The following NAGS variants were observed in gnomAD, a reference collection of about 807,000 sequenced individuals.
The protein encoded by NAGS is N-acetylglutamate synthase, also known as N-acetylglutamate synthase, mitochondrial.
In NAGS, 34 loss-of-function variants were observed where a neutral mutation model predicts 46.9. The observed-to-expected ratio is 0.72, with a 90% CI of 0.55 to 0.97. The LOEUF (loss-of-function observed/expected upper bound fraction) is 0.97, where lower values mean the gene tolerates loss of function less well. Among genes scored for constraint, NAGS ranks in the 50% least tolerant of loss-of-function variants. The pLI is 0.00. For missense variants in NAGS, 665 were observed against 747.0 expected (o/e 0.89, Z 1.28); for synonymous variants, 334 against 346.3 (o/e 0.96, Z 0.39).
Position 44,007,131 on chromosome 17 carries a change from A to G in NAGS, c.1097-192A>G. 1.6e-6 allele frequency: 1 copy of G among 632,292 alleles called. No individual in the cohort carries two copies. Among genetic ancestry groups the G allele is most frequent in the Admixed American group, 3.0e-5 (1 of 33,540 alleles). 39.2% of individuals were successfully genotyped at this position (632,292 alleles called of 1,614,324 possible). A position where few individuals can be genotyped will look rare whatever the true frequency, so the allele number is the denominator to read the frequency against. ...AGGCGACAGGAGGAACTTGGGGCAC[A>G]ATCTCTGCCTGGGGAAAGCATCTCC... On this transcript the variant is annotated intron_variant, in intron 4 of 6. Transcript: ENST00000293404. The surrounding 1 kb of genome is among the most constrained non-coding windows in gnomAD (Gnocchi z 5.1).
chr17:44,005,992 G>C lies in NAGS; in HGVS notation c.702-32G>C. 1 of 1,572,202 alleles carries C rather than the reference G, an allele frequency of 6.4e-7. No individual in the cohort carries two copies. Among genetic ancestry groups the C allele is most frequent in the South Asian group, 1.2e-5 (1 of 86,904 alleles). Reference sequence around the variant, plus strand: ...CTGCCCCGTCCGGCAGGCCTGGAGGGGGCCCTCTCGAGCACCACGTCTGGC... The same window carrying C: ...CTGCCCCGTCCGGCAGGCCTGGAGGCGGCCCTCTCGAGCACCACGTCTGGC... On this transcript the variant is annotated intron_variant, in intron 2 of 6. Coordinates refer to ENST00000293404, the MANE Select transcript of NAGS (RefSeq NM_153006.3). The surrounding 1 kb of genome is among the most constrained non-coding windows in gnomAD (Gnocchi z 7.2).
Position 44,006,306 on chromosome 17 carries a change from T to C in NAGS, c.915+69T>C. ...CCTTCTCTTGCGCCCCTCGCACTTC[T>C]CCCCGACGGGCCGCAGACTCACTAG... On this transcript the variant is annotated intron_variant, in intron 3 of 6. Transcript: ENST00000293404. This position sits in a 1 kb window ranked among gnomAD's most constrained non-coding sequence, Gnocchi z 4.8. 1 of 1,561,052 alleles carries C rather than the reference T, an allele frequency of 6.4e-7. No homozygotes were observed. The highest frequency in any genetic ancestry group is 1.8e-5 in the Admixed American group (1 of 54,076).
Position 44,006,236 on chromosome 17 carries a change from AGGTGC to A in NAGS, c.915+2_915+6del, listed in dbSNP as rs933834338. ...GGCGGCCTGCGCGACAGCAGTCATA[AGGTGC>A]GGCCCTTTCTTTCACCTTCCCCCAC... On this transcript the variant is annotated splice_donor_variant and splice_donor_region_variant and coding_sequence_variant and intron_variant, in exon 3 of 7. Coordinates refer to ENST00000293404, the MANE Select transcript of NAGS (RefSeq NM_153006.3). LOFTEE classifies it high-confidence loss of function. This position sits in a 1 kb window ranked among gnomAD's most constrained non-coding sequence, Gnocchi z 4.8. 1.2e-6 allele frequency: 2 copies of A among 1,613,042 alleles called. No homozygotes were observed. Among genetic ancestry groups the A allele is most frequent in the Non-Finnish European group, 1.7e-6 (2 of 1,179,968 alleles).
chr17:44,007,335 T>A lies in NAGS; in HGVS notation c.1109T>A (p.Leu370Gln). The A allele has an allele frequency of 6.2e-7, 1 of 1,613,870 alleles. No homozygotes were observed. The highest frequency in any genetic ancestry group is 1.1e-5 in the South Asian group (1 of 91,068). ...ELFSNKGSGT[L>Q]FKNAERMLRV... ...CATCCTCCTCCAGGGTCCGGGACCC[T>A]GTTCAAGAACGCCGAGCGAATGCTA... Residue 370 changes from leucine (L) to glutamine (Q), a missense_variant, in exon 5 of 7, where the codon CTG becomes CAG. Leu to Gln is a moderately radical substitution (Grantham distance 113). Coordinates refer to ENST00000293404, the MANE Select transcript of NAGS (RefSeq NM_153006.3). The surrounding 1 kb of genome is among the most constrained non-coding windows in gnomAD (Gnocchi z 5.1).
Position 44,006,498 on chromosome 17 carries a change from G to T in NAGS, c.916-31G>T. ...AGGGGGGCAGTCCGTGCCGGCTGTG[G>T]GCCAGGCTCACCCGCTGACTCCGGA... On this transcript the variant is annotated intron_variant, in intron 3 of 6. Transcript: ENST00000293404. The surrounding 1 kb of genome is among the most constrained non-coding windows in gnomAD (Gnocchi z 4.8). 6.5e-7 allele frequency: 1 copy of T among 1,548,884 alleles called. No individual in the cohort carries two copies.
At position 44,005,040 on chromosome 17, in the gene NAGS, A is replaced by G; in HGVS notation, c.377A>G (p.Gln126Arg). 6.4e-7 allele frequency: 1 copy of G among 1,569,896 alleles called. No homozygotes were observed. Among genetic ancestry groups the G allele is most frequent in the African/African-American group, 1.3e-5 (1 of 74,368 alleles). ...SPGEARHWLT[Q>R]FQTCHHSADK... ...GGGGAGGCGCGCCACTGGCTCACGC[A>G]GTTCCAGACCTGCCATCACTCCGCG... The change falls in exon 1 of 7, where the codon CAG (glutamine) becomes CGG (arginine). Residue 126 changes from glutamine (Q) to arginine (R), a missense_variant. Physicochemically the swap from Gln to Arg is conservative, Grantham distance 43 (BLOSUM62 1). Transcript: ENST00000293404. This position sits in a 1 kb window ranked among gnomAD's most constrained non-coding sequence, Gnocchi z 7.2.
rs1235262433 is a variant in NAGS at position 44,008,569 on chromosome 17, T to C, written c.1573T>C (p.Phe525Leu). 6.2e-7 allele frequency: 1 copy of C among 1,614,120 alleles called. No homozygotes were observed. The highest frequency in any genetic ancestry group is 1.3e-5 in the African/African-American group (1 of 74,948). ...VNHAKGLPDS[F>L]HKPASDPGS ...CCACGCCAAGGGACTGCCAGACTCC[T>C]TTCACAAGCCAGCTTCTGACCCAGG... Residue 525 changes from phenylalanine to leucine, a missense_variant, in exon 7 of 7, where the codon TTT becomes CTT. Phe to Leu is a conservative substitution (Grantham distance 22). Transcript: ENST00000293404.
rs971022256 is a variant in NAGS, at chr17:44,006,851, G to A, written c.1096+142G>A. Reference sequence around the variant, plus strand: ...GGGGGGTGTCACAGCAATGGCTCCTGCTGCTGCCGAAACCCGGGGGAGGTG... The same window carrying A: ...GGGGGGTGTCACAGCAATGGCTCCTACTGCTGCCGAAACCCGGGGGAGGTG... On this transcript the variant is annotated intron_variant, in intron 4 of 6. Transcript: ENST00000293404. This position sits in a 1 kb window ranked among gnomAD's most constrained non-coding sequence, Gnocchi z 4.8. The A allele has an allele frequency of 4.5e-5, 39 of 872,486 alleles. No homozygotes were observed. Among genetic ancestry groups the A allele is most frequent in the Admixed American group, 8.6e-5 (3 of 34,724 alleles). 54.0% of individuals were successfully genotyped at this position (872,486 alleles called of 1,614,324 possible).
chr17:44,007,390 G>A lies in NAGS; in HGVS notation c.1164G>A (p.Gln388=). Residue 388 remains glutamine (Q), a synonymous_variant, in exon 5 of 7, where the codon CAG becomes CAA. Transcript: ENST00000293404. The surrounding 1 kb of genome is among the most constrained non-coding windows in gnomAD (Gnocchi z 5.1). ...TGCGCAGCCTGGACAAGCTGGACCA[G>A]GGCCGTCTAGTGGACCTGGTCAACG... The part of the protein sequence containing the change: ...LRVRSLDKLD[Q]GRLVDLVNAS... 1.9e-6 allele frequency: 3 copies of A among 1,613,928 alleles called. No individual in the cohort carries two copies. The highest frequency in any genetic ancestry group is 2.5e-6 in the Non-Finnish European group (3 of 1,180,012).
At position 44,006,427 on chromosome 17, in the gene NAGS, G is replaced by A. The variant is rs1206953116; in HGVS notation, c.916-102G>A. 11 of 1,508,942 alleles carry A rather than the reference G, an allele frequency of 7.3e-6. No homozygotes were observed. The highest frequency in any genetic ancestry group is 1.2e-5 in the South Asian group (1 of 82,544). 93.5% of individuals were successfully genotyped at this position (1,508,942 alleles called of 1,614,324 possible). On this transcript the variant is annotated intron_variant, in intron 3 of 6. Transcript: ENST00000293404. The surrounding 1 kb of genome is among the most constrained non-coding windows in gnomAD (Gnocchi z 4.8). ...CCCTCCCTGGCTAAGGACTCCGGGCGGAAGTAAGGATAAAGGGGTCAGAGA... is the reference window on the plus strand; with the variant it reads ...CCCTCCCTGGCTAAGGACTCCGGGCAGAAGTAAGGATAAAGGGGTCAGAGA...
rs766772404 is a variant in NAGS, at chr17:44,007,555, G to A, written c.1269-36G>A. 5.0e-6 allele frequency: 8 copies of A among 1,612,104 alleles called. No individual in the cohort carries two copies. Among genetic ancestry groups the A allele is most frequent in the Non-Finnish European group, 5.9e-6 (7 of 1,179,426 alleles). Reference sequence around the variant, plus strand: ...GGCAGTCGGGCAGCTTCGGACCAAGGAGAGGTCCCAGCCTGCCGCTCTCCC... The same window carrying A: ...GGCAGTCGGGCAGCTTCGGACCAAGAAGAGGTCCCAGCCTGCCGCTCTCCC... On this transcript the variant is annotated intron_variant, in intron 5 of 6. Transcript: ENST00000293404. This position sits in a 1 kb window ranked among gnomAD's most constrained non-coding sequence, Gnocchi z 5.1.
Position 44,005,911 on chromosome 17 carries a change from G to A in NAGS, c.701G>A (p.Ser234Asn). Residue 234 changes from serine to asparagine, a missense_variant and splice_region_variant, in exon 2 of 7, where the codon AGC becomes AAC. Coordinates refer to ENST00000293404, the MANE Select transcript of NAGS (RefSeq NM_153006.3). This position sits in a 1 kb window ranked among gnomAD's most constrained non-coding sequence, Gnocchi z 7.2. Reference sequence around the variant, plus strand: ...GCTGCCGAGCCGGCTCCCCATGCCAGGTGAGTGCCCGCCCTGCCCGCCCAG... The same window carrying A: ...GCTGCCGAGCCGGCTCCCCATGCCAAGTGAGTGCCCGCCCTGCCCGCCCAG... ...LRAAEPAPHA[S>N]YGGIVSVETD... The A allele has an allele frequency of 3.9e-6, 6 of 1,548,738 alleles. No individual in the cohort carries two copies. The highest frequency in any genetic ancestry group is 4.3e-6 in the Non-Finnish European group (5 of 1,151,054).
At chr17:44,008,341 A>C in intron 6 of NAGS, 107 bp from the exon 7 acceptor site, 13 of 1,313,622 alleles carry the variant, frequency 9.9e-6, no homozygotes, top group African/African-American at 1.4e-5. Context: ...CTGGGTGCCC[A>C]GCATGCAGTA....
chr17:44,005,685 T>G lies in NAGS; in HGVS notation c.475T>G (p.Phe159Val), dbSNP rs772151961. 3 of 1,608,328 alleles carry G rather than the reference T, an allele frequency of 1.9e-6. No homozygotes were observed. In the African/African-American group the frequency reaches 4.0e-5, roughly 21 times the overall value. The change falls in exon 2 of 7, where the codon TTT (phenylalanine) becomes GTT (valine). Residue 159 changes from phenylalanine (F) to valine (V), a missense_variant. Physicochemically the swap from Phe to Val is conservative, Grantham distance 50. Transcript: ENST00000293404. The surrounding 1 kb of genome is among the most constrained non-coding windows in gnomAD (Gnocchi z 7.2). ...KCQQGVSSLA[F>V]ALAFLQRMDM... ...CCAGCAGGGCGTATCCAGTCTGGCC[T>G]TTGCCCTGGCCTTCTTGCAGCGCAT...
chr17:44,005,891 C>G lies in NAGS; in HGVS notation c.681C>G (p.Ala227=), dbSNP rs886052982. ...GCGGCGGGTCTGTGCTACGCGCTGC[C>G]GAGCCGGCTCCCCATGCCAGGTGAG... ...FFGGGSVLRA[A]EPAPHASYGG... is the part of the protein sequence containing the mutation. Residue 227 remains alanine (A), a synonymous_variant, in exon 2 of 7, where the codon GCC becomes GCG. Transcript: ENST00000293404. The surrounding 1 kb of genome is among the most constrained non-coding windows in gnomAD (Gnocchi z 7.2). 6.5e-7 allele frequency: 1 copy of G among 1,547,788 alleles called. No homozygotes were observed. Among genetic ancestry groups the G allele is most frequent in the Non-Finnish European group, 8.7e-7 (1 of 1,150,004 alleles).
Position 44,006,830 on chromosome 17 carries a change from G to C in NAGS, c.1096+121G>C. ...CCAGGAGCCGTAGGGGGAGGCGGGG[G>C]GTGTCACAGCAATGGCTCCTGCTGC... On this transcript the variant is annotated intron_variant, in intron 4 of 6. Coordinates refer to ENST00000293404, the MANE Select transcript of NAGS (RefSeq NM_153006.3). This position sits in a 1 kb window ranked among gnomAD's most constrained non-coding sequence, Gnocchi z 4.8. 1 of 1,109,356 alleles carries C rather than the reference G, an allele frequency of 9.0e-7. No individual in the cohort carries two copies. The highest frequency in any genetic ancestry group is 1.3e-6 in the Non-Finnish European group (1 of 794,148). The allele number at this position is 1,109,356 out of a possible 1,614,324, so 68.7% of individuals were successfully genotyped here.
In NAGS at chr17:44,005,995, C is replaced by A. The variant is rs1252381897; in HGVS notation, c.702-29C>A. The A allele has an allele frequency of 2.5e-6, 4 of 1,574,008 alleles. No individual in the cohort carries two copies. The highest frequency in any genetic ancestry group is 1.8e-5 in the Admixed American group (1 of 54,852). On this transcript the variant is annotated intron_variant, in intron 2 of 6. Coordinates refer to ENST00000293404, the MANE Select transcript of NAGS (RefSeq NM_153006.3). This position sits in a 1 kb window ranked among gnomAD's most constrained non-coding sequence, Gnocchi z 7.2. ...CCCCGTCCGGCAGGCCTGGAGGGGG[C>A]CCTCTCGAGCACCACGTCTGGCCCA...
Position 44,007,665 on chromosome 17 carries a change from G to A in NAGS, c.1343G>A (p.Ser448Asn), listed in dbSNP as rs766576386. The A allele has an allele frequency of 3.1e-5, 49 of 1,602,372 alleles. No homozygotes were observed. The highest frequency in any genetic ancestry group is 4.1e-5 in the Non-Finnish European group (48 of 1,174,444). ...CCGTACCTGGACAAATTTGTGGTGA[G>A]CTCCAGCCGCCAGGGCCAAGGCTCC... The part of the protein sequence containing the change: ...GTPYLDKFVV[S>N]SSRQGQGSGQ... Residue 448 changes from serine (S) to asparagine (N), a missense_variant, in exon 6 of 7, where the codon AGC becomes AAC. Transcript: ENST00000293404. This position sits in a 1 kb window ranked among gnomAD's most constrained non-coding sequence, Gnocchi z 5.1.
Position 44,004,683 on chromosome 17 carries a change from C to G in NAGS, c.20C>G (p.Ala7Gly). Residue 7 changes from alanine to glycine, a missense_variant, in exon 1 of 7, where the codon GCT becomes GGT. Transcript: ENST00000293404. Reference sequence around the variant, plus strand: ...GTCGTCATGGCGACGGCGCTGATGGCTGTGGTTCTGCGGGCAGCTGCTGTA... The same window carrying G: ...GTCGTCATGGCGACGGCGCTGATGGGTGTGGTTCTGCGGGCAGCTGCTGTA... MATALM[A>G]VVLRAAAVAP... 6.5e-7 allele frequency: 1 copy of G among 1,534,502 alleles called. No individual in the cohort carries two copies. The highest frequency in any genetic ancestry group is 8.8e-7 in the Non-Finnish European group (1 of 1,138,982).
Sources: gnomAD v4.1 joint callset for allele counts on GRCh38, gnomAD v4.1.1 for gene constraint, Gnocchi (gnomAD v3.1) non-coding constraint, MANE v1.5 for transcripts, NCBI Gene and HGNC (gene_info 2026-07-23, HGNC 2026-07-21) for gene names.